The following MAPKAPK2 variants were observed in gnomAD, a reference collection of about 807,000 sequenced individuals.
MAPKAPK2 encodes MAP kinase-activated protein kinase 2.
MAPKAPK2 carries 9 observed loss-of-function variants against 48.8 expected under a neutral mutation model. The ratio of observed to expected loss-of-function variants is 0.18; its 90% CI spans 0.11 to 0.32. The LOEUF is 0.32. MAPKAPK2 is among the 10% of genes least tolerant of loss of function. MAPKAPK2 has a pLI of 1.00. For synonymous variants in MAPKAPK2, 202 were observed against 190.6 expected, an observed-to-expected ratio of 1.06 and a Z score of -0.49; for missense variants, 331 against 498.3, an observed-to-expected ratio of 0.66 and a Z score of 3.20.
At position 206,732,162 on chromosome 1, in the gene MAPKAPK2, A is replaced by G. The variant is rs77672930; in HGVS notation, c.1059+243A>G. ...AATCCTTTTATTCCCTGGGTCTCTA[A>G]TGGGACCTTAAAGACCATCTGGTAT... On this transcript the variant is annotated intron_variant, in intron 9 of 9. Coordinates refer to ENST00000367103, the MANE Select transcript of MAPKAPK2 (RefSeq NM_032960.4). This position sits in a 1 kb window ranked among gnomAD's most constrained non-coding sequence, Gnocchi z 4.4. 8.5e-4 allele frequency: 1,376 copies of G among 1,610,290 alleles called. 13 individuals carry two copies. In the African/African-American group the frequency reaches 0.016, roughly 19 times the overall value.
At chr1:206,701,861 A>C (rs1672808103) in intron 1 of MAPKAPK2, among the ~76,000 whole-genome samples, 2 of 135,222 alleles carry the variant, frequency 1.5e-5, no homozygotes, top group South Asian at 4.9e-4. Context: ...AAAAAAGAGG[A>C]GTTCACCTTG....
intron 1 of MAPKAPK2, among the ~76,000 whole-genome samples, chr1:206,705,635 C>T (rs1161370221): frequency 1.3e-5 from 2 of 152,204 alleles, no homozygotes; most frequent in East Asian, 3.8e-4. Flanking sequence ...TTTCTCCTTT[C>T]TCCACCAACC....
At chr1:206,695,662 C>T (rs1672592796) in intron 1 of MAPKAPK2, among the ~76,000 whole-genome samples, 1 of 151,938 alleles carries the variant, frequency 6.6e-6, no homozygotes, top group Non-Finnish European at 1.5e-5. Flanking sequence ...CCTTTCGCAC[C>T]AAAAGTGGGT....
Position 206,726,012 on chromosome 1 carries a change from A to G in MAPKAPK2, c.280-2698A>G, listed in dbSNP as rs74147693. Reference sequence around the variant, plus strand: ...AAATGCTTGCTGGATTGAATTATATACAAAGGAAATTGGCCAGTGCCTTCT... The same window carrying G: ...AAATGCTTGCTGGATTGAATTATATGCAAAGGAAATTGGCCAGTGCCTTCT... On this transcript the variant is annotated intron_variant, in intron 1 of 9. Transcript: ENST00000367103. Among the ~76,000 whole-genome samples, 1,383 of 152,306 alleles carry G rather than the reference A, an allele frequency of 9.1e-3. 31 individuals are homozygous for G. The highest frequency in any genetic ancestry group is 0.031 in the African/African-American group (1,302 of 41,546).
chr1:206,701,515 AT>A (rs1220669626), intron 1 of MAPKAPK2, among the ~76,000 whole-genome samples: 1 of 152,112 alleles, frequency 6.6e-6, no homozygotes, highest in African/African-American at 2.4e-5. Flanking sequence ...GAAGGTATTC[AT>A]TTAGAAAAGG....
chr1:206,726,314 G>A (rs1239657217), intron 1 of MAPKAPK2, among the ~76,000 whole-genome samples: 2 of 152,242 alleles, frequency 1.3e-5, no homozygotes, highest in African/African-American at 4.8e-5. Context: ...TTGAACCCGG[G>A]AGGCGGAGGT....
chr1:206,714,238 T>G (rs1441374539), intron 1 of MAPKAPK2, among the ~76,000 whole-genome samples: 1 of 152,206 alleles, frequency 6.6e-6, no homozygotes, highest in Non-Finnish European at 1.5e-5. Context: ...CCCTAAGGTC[T>G]GGGCAGGAGA....
At position 206,711,547 on chromosome 1, in the gene MAPKAPK2, A is replaced by G. The variant is rs149970451; in HGVS notation, c.280-17163A>G. On this transcript the variant is annotated intron_variant, in intron 1 of 9. Coordinates refer to ENST00000367103, the MANE Select transcript of MAPKAPK2 (RefSeq NM_032960.4). ...ATTACAGGTGTGAGCCACTGTGCCC[A>G]GCCAGAAGAATGTATTTTTGAAGAA... 9.9e-3 allele frequency among the ~76,000 whole-genome samples: 1,477 copies of G among 149,764 alleles called. 20 individuals carry two copies. Among genetic ancestry groups the G allele is most frequent in the African/African-American group, 0.035 (1,434 of 40,744 alleles).
chr1:206,731,816 G>A lies in MAPKAPK2; in HGVS notation c.979-23G>A, dbSNP rs371069468. The A allele has an allele frequency of 2.8e-5, 45 of 1,613,370 alleles. No homozygotes were observed. In the African/African-American group the frequency reaches 3.7e-4, roughly 13 times the overall value. ...AGGACCCTACCCCAGGCTTTCACTC[G>A]GACCCCTTTTCTCTCTTCTCAGCAA... On this transcript the variant is annotated intron_variant, in intron 8 of 9. Coordinates refer to ENST00000367103, the MANE Select transcript of MAPKAPK2 (RefSeq NM_032960.4). The surrounding 1 kb of genome is among the most constrained non-coding windows in gnomAD (Gnocchi z 5.9).
chr1:206,716,374 A>G (rs782666851), intron 1 of MAPKAPK2, among the ~76,000 whole-genome samples: 1 of 151,870 alleles, frequency 6.6e-6, no homozygotes, highest in Non-Finnish European at 1.5e-5. Flanking sequence ...CTCCCTGGCC[A>G]TGTAGTCTGC....
chr1:206,698,754 G>A (rs1672705935), intron 1 of MAPKAPK2, among the ~76,000 whole-genome samples: 1 of 151,958 alleles, frequency 6.6e-6, no homozygotes, highest in Non-Finnish European at 1.5e-5. Flanking sequence ...ATTATTTATT[G>A]AGCACCTACT....
intron 1 of MAPKAPK2, among the ~76,000 whole-genome samples, chr1:206,728,329 T>C (rs1673775974): frequency 6.6e-6 from 1 of 152,074 alleles, no homozygotes; most frequent in Admixed American, 6.5e-5. Context: ...TAGCCCCCTT[T>C]CCAATACTGT....
At chr1:206,711,607 CTT>C (rs781793889) in intron 1 of MAPKAPK2, among the ~76,000 whole-genome samples, 8 of 115,492 alleles carry the variant, frequency 6.9e-5, no homozygotes, top group Non-Finnish European at 3.5e-5. Context: ...CTACCTCATT[CTT>C]TTTTTTTTTT....
chr1:206,722,793 G>A (rs1275166303), intron 1 of MAPKAPK2, among the ~76,000 whole-genome samples: 2 of 152,220 alleles, frequency 1.3e-5, no homozygotes, highest in Non-Finnish European at 2.9e-5. Context: ...AGGCTCACCT[G>A]CAGCAGCTGC....
At position 206,732,947 on chromosome 1, in the gene MAPKAPK2, C is replaced by A; in HGVS notation, c.*229C>A. 1 of 501,222 alleles carries A rather than the reference C, an allele frequency of 2.0e-6. No individual in the cohort carries two copies. The highest frequency in any genetic ancestry group is 3.5e-6 in the Non-Finnish European group (1 of 286,390). 31.0% of individuals were successfully genotyped at this position (501,222 alleles called of 1,614,324 possible). The stretch of plus-strand genomic sequence containing the variant: ...AGAAGTGAGCAAGGTGCTCTTGAAC[C>A]TGTGCTCATTTTGCAATTTTATCAG... On this transcript the variant is annotated 3_prime_UTR_variant, in exon 10 of 10. Transcript: ENST00000367103. This position sits in a 1 kb window ranked among gnomAD's most constrained non-coding sequence, Gnocchi z 4.4.
intron 1 of MAPKAPK2, among the ~76,000 whole-genome samples, chr1:206,709,013 C>T (rs12028997): frequency 0.17 from 25,704 of 152,122 alleles, 2,403 homozygotes; most frequent in Non-Finnish European, 0.22. Context: ...TGGGCTGTGT[C>T]CAGTTTTGGG....
At chr1:206,730,170 G>C (rs782679135) in intron 5 of MAPKAPK2, 72 bp downstream of exon 5, 4 of 1,579,366 alleles carry the variant, frequency 2.5e-6, no homozygotes, top group African/African-American at 1.4e-5. Flanking sequence ...TTGGCTATCT[G>C]GGGGGCCGCA....
At chr1:206,705,623 GCTTTCTC>G (rs1553428455) in intron 1 of MAPKAPK2, among the ~76,000 whole-genome samples, 1 of 152,216 alleles carries the variant, frequency 6.6e-6, no homozygotes, top group Non-Finnish European at 1.5e-5. Context: ...TGGGCTGGAT[GCTTTCTC>G]CTTTCTCCAC....
chr1:206,708,070 C>T, intron 1 of MAPKAPK2, among the ~76,000 whole-genome samples: 1 of 152,244 alleles, frequency 6.6e-6, no homozygotes, highest in South Asian at 2.1e-4. Flanking sequence ...GGGGCAGGGA[C>T]TTACTTGCTC....
Sources: gnomAD v4.1 joint callset for allele counts (sites outside exome capture counted in the v4.1 genomes callset) on GRCh38, gnomAD v4.1.1 for gene constraint, Gnocchi (gnomAD v3.1) non-coding constraint, MANE v1.5 for transcripts, NCBI Gene and HGNC (gene_info 2026-07-23, HGNC 2026-07-21) for gene names.